The following ZNF638 variants were observed in gnomAD, a reference collection of about 807,000 sequenced individuals.
The protein encoded by ZNF638 is CTCL tumor antigen se33-1.
Under a neutral mutation model 195.6 loss-of-function variants are expected in ZNF638, and 46 were observed. That is an observed-to-expected ratio of 0.24 (90% CI 0.19 to 0.30). The LOEUF (loss-of-function observed/expected upper bound fraction) is 0.30, where lower values mean the gene tolerates loss of function less well. Among genes scored for constraint, ZNF638 ranks in the 10% least tolerant of loss-of-function variants. The pLI is 1.00. For synonymous variants in ZNF638, 845 were observed against 772.0 expected (o/e 1.09, Z -1.57); for missense variants, 2,440 against 2,325.3 (o/e 1.05, Z -1.01).
chr2:71,337,493 A>G (rs760950561), intron 1 of ZNF638, among the ~76,000 whole-genome samples: 7 of 152,038 alleles, frequency 4.6e-5, no homozygotes, highest in Non-Finnish European at 7.4e-5. Context: ...GCTCACTGCA[A>G]TCTCTGCCTC....
rs915154328 is a variant in ZNF638, at chr2:71,421,822, G to T, written c.3300-992G>T. On this transcript the variant is annotated intron_variant, in intron 21 of 27. Transcript: ENST00000264447. Reference sequence around the variant, plus strand: ...TTAATTTGCATTGATAGCATGTTGGGCATTGTTTTTGGAAGCTAAGGTTTT... The same window carrying T: ...TTAATTTGCATTGATAGCATGTTGGTCATTGTTTTTGGAAGCTAAGGTTTT... Among the ~76,000 whole-genome samples the T allele has an allele frequency of 7.9e-5, 12 of 152,210 alleles. No individual in the cohort carries two copies. The South Asian group carries it at 2.5e-3, about 32-fold the overall frequency.
chr2:71,406,348 T>C, intron 19 of ZNF638, 86 bp downstream of exon 19: 2 of 1,188,532 alleles, frequency 1.7e-6, no homozygotes, highest in South Asian at 2.8e-5. Flanking sequence ...ACTTCTGATC[T>C]GAAGCACCTG....
chr2:71,424,888 T>C (rs2080506657), intron 23 of ZNF638, among the ~76,000 whole-genome samples, 173 bp downstream of exon 23: 1 of 152,224 alleles, frequency 6.6e-6, no homozygotes, highest in African/African-American at 2.4e-5. Context: ...TAATTTACTT[T>C]TTGACCTTGA....
intron 3 of ZNF638, among the ~76,000 whole-genome samples, chr2:71,358,170 CT>C (rs2079054491): frequency 6.6e-6 from 1 of 152,314 alleles, no homozygotes; most frequent in Admixed American, 6.5e-5. Flanking sequence ...TTAAACCTCC[CT>C]ATGCCCTGCT....
At chr2:71,393,744 C>T in intron 10 of ZNF638, 1 of 645,330 alleles carries the variant, frequency 1.5e-6, no homozygotes, top group Admixed American at 2.3e-5. Flanking sequence ...ATCCGCCTTT[C>T]TTACGCCCTG....
intron 25 of ZNF638, 107 bp downstream of exon 25, chr2:71,428,758 C>A: frequency 1.1e-6 from 1 of 932,136 alleles, no homozygotes; most frequent in Non-Finnish European, 1.6e-6. Context: ...TGGAATAGAG[C>A]AGGGGTGGGA....
rs190188967 is a variant in ZNF638 at position 71,336,599 on chromosome 2, T to C, written c.-203+4724T>C. On this transcript the variant is annotated intron_variant, in intron 1 of 27. Coordinates refer to ENST00000264447, the MANE Select transcript of ZNF638 (RefSeq NM_014497.5). ...TTTGAGCACCTGTTGCATGTCAGGA[T>C]TTACAATTTTAGTTAATCTTCACAG... Among the ~76,000 whole-genome samples, 49 of 152,322 alleles carry C rather than the reference T, an allele frequency of 3.2e-4. 1 individual carries two copies. Among genetic ancestry groups the C allele is most frequent in the Non-Finnish European group, 2.9e-5 (2 of 68,026 alleles).
chr2:71,349,061 C>G lies in ZNF638; in HGVS notation c.107C>G (p.Ser36Cys). 2.5e-6 allele frequency: 4 copies of G among 1,614,208 alleles called. No homozygotes were observed. The highest frequency in any genetic ancestry group is 3.4e-6 in the Non-Finnish European group (4 of 1,180,046). The change falls in exon 2 of 28, where the codon TCT (serine) becomes TGT (cysteine). Residue 36 changes from serine (S) to cysteine (C), a missense_variant. Ser to Cys is a moderately radical substitution (Grantham distance 112). Coordinates refer to ENST00000264447, the MANE Select transcript of ZNF638 (RefSeq NM_014497.5). Reference protein sequence around the residue: ...RPPGPFMRPGSMGLPRFYPAG... With the variant: ...RPPGPFMRPGCMGLPRFYPAG... ...CCAGGACCATTTATGAGGCCTGGAT[C>G]TATGGGTCTCCCAAGATTTTACCCA... is the stretch of plus-strand genomic sequence containing the variant.
chr2:71,355,576 A>G (rs1348757030), intron 2 of ZNF638, 143 bp from the exon 3 acceptor site: 2 of 590,884 alleles, frequency 3.4e-6, no homozygotes, highest in Non-Finnish European at 5.8e-6. Flanking sequence ...TGTTTGTGAA[A>G]ATTTTACTGA....
intron 6 of ZNF638, among the ~76,000 whole-genome samples, chr2:71,366,157 C>T (rs973631722): frequency 1.3e-5 from 2 of 152,094 alleles, no homozygotes; most frequent in African/African-American, 4.8e-5. Flanking sequence ...TGAGGCCAGC[C>T]AGAGCTACGT....
At chr2:71,333,405 C>T (rs150665347) in intron 1 of ZNF638, among the ~76,000 whole-genome samples, 24 of 152,240 alleles carry the variant, frequency 1.6e-4, no homozygotes, top group East Asian at 1.3e-3. Context: ...AACTAGTTTT[C>T]ATAATGTGTT....
At chr2:71,432,112 T>C (rs1004515975) in intron 26 of ZNF638, among the ~76,000 whole-genome samples, 1 of 152,234 alleles carries the variant, frequency 6.6e-6, no homozygotes, top group Non-Finnish European at 1.5e-5. Context: ...GAGACCTTAT[T>C]CAGCCATCAT....
In ZNF638 at chr2:71,400,174, A is replaced by G. The variant is rs757025408; in HGVS notation, c.2650A>G (p.Ile884Val). 7 of 1,604,178 alleles carry G rather than the reference A, an allele frequency of 4.4e-6. No individual in the cohort carries two copies. Among genetic ancestry groups the G allele is most frequent in the African/African-American group, 2.7e-5 (2 of 74,424 alleles). The change falls in exon 14 of 28, where the codon ATT becomes GTT. Residue 884 changes from isoleucine (I) to valine (V), a missense_variant. By Grantham distance (29) the Ile-to-Val change is conservative (BLOSUM62 3). Transcript: ENST00000264447. The part of the protein sequence containing the change: ...KATENCAKEA[I>V]SDAALEATEN... ...CACTGAAAACTGTGCTAAAGAAGCTATTTCTGGTAGGTCAATAGAAATTTT... is the reference window on the plus strand; with the variant it reads ...CACTGAAAACTGTGCTAAAGAAGCTGTTTCTGGTAGGTCAATAGAAATTTT...
At chr2:71,424,071 C>A in intron 22 of ZNF638, 33 bp downstream of exon 22, 1 of 1,590,680 alleles carries the variant, frequency 6.3e-7, no homozygotes, top group South Asian at 1.1e-5. Flanking sequence ...CACAGTGTGT[C>A]TTTGAAGTGA....
intron 9 of ZNF638, 95 bp downstream of exon 9, chr2:71,380,375 A>G: frequency 9.1e-7 from 1 of 1,102,124 alleles, no homozygotes; most frequent in Non-Finnish European, 1.3e-6. Flanking sequence ...ATATTTTATC[A>G]CTATAACTAT....
rs2079013736 is a variant in ZNF638, at chr2:71,355,785, GAA to G, written c.1379+6_1379+7del. ...CTGTCGACAGTTACGTCAACAGTAA[GAA>G]TATATTTTTCCTTTATTATAGATAG... On this transcript the variant is annotated splice_donor_region_variant and intron_variant, in intron 3 of 27. Transcript: ENST00000264447. The G allele has an allele frequency of 6.4e-7, 1 of 1,563,574 alleles. No homozygotes were observed. The highest frequency in any genetic ancestry group is 2.3e-5 in the East Asian group (1 of 43,612).
intron 1 of ZNF638, among the ~76,000 whole-genome samples, chr2:71,344,532 G>GGTCCTTCCTTACCTAGAACAATGAT (rs138380730): frequency 0.059 from 9,004 of 152,168 alleles, 993 homozygotes; most frequent in East Asian, 0.56. Flanking sequence ...TAATATCTTT[G>GGTCCTTCCTTACCTAGAACAATGAT]GTCAGTAATT....
At chr2:71,422,320 T>C (rs1036480045) in intron 21 of ZNF638, among the ~76,000 whole-genome samples, 1 of 152,144 alleles carries the variant, frequency 6.6e-6, no homozygotes, top group African/African-American at 2.4e-5. Flanking sequence ...AAAAAGGTGA[T>C]ATGATTTAGA....
At chr2:71,337,927 CT>C (rs1288473245) in intron 1 of ZNF638, among the ~76,000 whole-genome samples, 6 of 152,144 alleles carry the variant, frequency 3.9e-5, no homozygotes, top group African/African-American at 1.4e-4. Flanking sequence ...ATCTGCTTTG[CT>C]TTTCTCTTTA....
Sources: allele counts gnomAD v4.1 joint callset (sites outside exome capture counted in the v4.1 genomes callset), GRCh38; gene constraint gnomAD v4.1.1; transcripts MANE v1.5; gene names NCBI Gene and HGNC (gene_info 2026-07-23, HGNC 2026-07-21).